Variants in ROBO2 observed in about 807,000 individuals in gnomAD.
ROBO2 encodes the protein roundabout homolog 2.
In ROBO2, 53 loss-of-function variants were observed where a neutral mutation model predicts 160.8. The observed-to-expected ratio is 0.33, with a 90% confidence interval of 0.26 to 0.41. The LOEUF (loss-of-function observed/expected upper bound fraction) is 0.41. Among genes scored for constraint, ROBO2 ranks in the 10% least tolerant of loss-of-function variants. The probability of loss-of-function intolerance (pLI) is 1.00; values close to 1 mark genes in which losing one functional copy is unlikely to be tolerated. For synonymous variants in ROBO2, 664 were observed against 611.7 expected (o/e 1.09, Z -1.26); for missense variants, 1,577 against 1,722.4 (o/e 0.92, Z 1.49).
rs201916643 is a variant in ROBO2 at position 77,625,774 on chromosome 3, AAACT to A, written c.3760+3350_3760+3353del. On this transcript the variant is annotated intron_variant, in intron 23 of 25. Transcript: ENST00000461745. ...TTTGAAAGGGTTGTAGGAAAACAAG[AAACT>A]AACTAACAAACAAAAACTAAGAAGA... is the stretch of plus-strand genomic sequence containing the variant. Among the ~76,000 whole-genome samples the A allele has an allele frequency of 5.4e-3, 816 of 152,266 alleles. 16 individuals carry two copies. The highest frequency in any genetic ancestry group is 0.019 in the African/African-American group (782 of 41,548).
At chr3:76,587,864 G>A (rs992602442) in intron 2 of ROBO2, among the ~76,000 whole-genome samples, 3 of 151,964 alleles carry the variant, frequency 2.0e-5, no homozygotes, top group Non-Finnish European at 4.4e-5. Context: ...ATGTGTGGTC[G>A]ACAGAGTGTA....
chr3:77,110,166 A>G (rs1401594944), intron 2 of ROBO2, among the ~76,000 whole-genome samples: 8 of 152,228 alleles, frequency 5.3e-5, no homozygotes, highest in Non-Finnish European at 1.2e-4. Context: ...TCTCATTGAC[A>G]TGTTTGCAGG....
At chr3:75,942,236 A>T (rs906459620) in intron 2 of ROBO2, among the ~76,000 whole-genome samples, 4 of 152,142 alleles carry the variant, frequency 2.6e-5, no homozygotes, top group African/African-American at 7.2e-5. Flanking sequence ...GAAAAACCTT[A>T]ATGCTACCTA....
intron 2 of ROBO2, among the ~76,000 whole-genome samples, chr3:76,616,433 A>G (rs1280295310): frequency 6.6e-6 from 1 of 152,178 alleles, no homozygotes; most frequent in Non-Finnish European, 1.5e-5. Context: ...GTGATTCATC[A>G]GGGGCCACGT....
chr3:76,958,612 T>C (rs1030414512), intron 2 of ROBO2, among the ~76,000 whole-genome samples: 1 of 152,188 alleles, frequency 6.6e-6, no homozygotes, highest in Admixed American at 6.5e-5. Flanking sequence ...AAGTTGCATT[T>C]TGTCACAACC....
intron 2 of ROBO2, among the ~76,000 whole-genome samples, chr3:76,365,269 T>C (rs1291431595): frequency 6.6e-6 from 1 of 152,078 alleles, no homozygotes; most frequent in African/African-American, 2.4e-5. Context: ...GGGCTTCATT[T>C]TATTTTGATC....
At chr3:77,495,066 A>G (rs1412975445) in intron 5 of ROBO2, among the ~76,000 whole-genome samples, 1 of 152,220 alleles carries the variant, frequency 6.6e-6, no homozygotes, top group Non-Finnish European at 1.5e-5. Flanking sequence ...AGTTTACACT[A>G]TTGAATTGTT....
intron 9 of ROBO2, among the ~76,000 whole-genome samples, chr3:77,561,092 T>C (rs2093307476): frequency 6.6e-6 from 1 of 152,150 alleles, no homozygotes; most frequent in Non-Finnish European, 1.5e-5. Context: ...AAGAATGTCA[T>C]GCCAGAGCAA....
chr3:76,103,056 C>T (rs566244689), intron 2 of ROBO2, among the ~76,000 whole-genome samples: 2 of 152,180 alleles, frequency 1.3e-5, no homozygotes, highest in Non-Finnish European at 2.9e-5. Context: ...ATCTCCTGAC[C>T]TCGTGATCCG....
At chr3:76,566,961 A>C (rs563388187) in intron 2 of ROBO2, among the ~76,000 whole-genome samples, 9 of 152,314 alleles carry the variant, frequency 5.9e-5, no homozygotes, top group Non-Finnish European at 1.0e-4. Context: ...AAACTCAGCT[A>C]CCTTAAAATA....
chr3:76,820,553 A>G (rs994662089), intron 2 of ROBO2, among the ~76,000 whole-genome samples: 1 of 152,026 alleles, frequency 6.6e-6, no homozygotes, highest in Admixed American at 6.6e-5. Flanking sequence ...GTTTTCCTTT[A>G]AACATCAAAA....
chr3:77,602,792 C>T (rs1381835041), intron 20 of ROBO2: 3 of 484,516 alleles, frequency 6.2e-6, no homozygotes, highest in Non-Finnish European at 1.2e-5. Context: ...TCCATCTCTA[C>T]TTCCATTAGG....
chr3:77,126,881 C>T (rs6782116), intron 2 of ROBO2, among the ~76,000 whole-genome samples: 44,807 of 148,202 alleles, frequency 0.3, 8,118 homozygotes, highest in Middle Eastern at 0.47. Context: ...CTCCGCCTCC[C>T]GGGTTCACGC....
Position 76,186,686 on chromosome 3 carries a change from A to G in ROBO2, c.109+249084A>G, listed in dbSNP as rs942206423. Reference sequence around the variant, plus strand: ...ATATACCATCTGCAATAATAAAAACATCTCTTGTCCTCATATCTGTCTCCA... The same window carrying G: ...ATATACCATCTGCAATAATAAAAACGTCTCTTGTCCTCATATCTGTCTCCA... On this transcript the variant is annotated intron_variant, in intron 2 of 26. Transcript: ENST00000487694. 5.9e-5 allele frequency among the ~76,000 whole-genome samples: 9 copies of G among 152,098 alleles called. No homozygotes were observed. In the East Asian group the frequency reaches 1.7e-3, roughly 29 times the overall value.
chr3:76,752,227 G>C (rs891334766), intron 2 of ROBO2, among the ~76,000 whole-genome samples: 32 of 141,336 alleles, frequency 2.3e-4, no homozygotes, highest in Non-Finnish European at 4.3e-4. Flanking sequence ...TCATAGGTGG[G>C]AATTAAACAA....
intron 2 of ROBO2, among the ~76,000 whole-genome samples, chr3:77,441,081 A>G (rs1353873416): frequency 6.6e-6 from 1 of 152,060 alleles, no homozygotes; most frequent in East Asian, 1.9e-4. Flanking sequence ...AAATGAGTAG[A>G]GTGTAGTTCT....
chr3:77,116,438 G>A (rs996079683), intron 2 of ROBO2, among the ~76,000 whole-genome samples: 3 of 152,086 alleles, frequency 2.0e-5, no homozygotes, highest in Non-Finnish European at 2.9e-5. Flanking sequence ...TATCTTAGGG[G>A]CCCAGCAGCC....
At chr3:76,034,286 T>C (rs1207640587) in intron 2 of ROBO2, among the ~76,000 whole-genome samples, 2 of 152,270 alleles carry the variant, frequency 1.3e-5, no homozygotes, top group Non-Finnish European at 2.9e-5. Flanking sequence ...TTTGTGGTTA[T>C]AATGTTAAAT....
At chr3:76,524,962 A>G (rs901709045) in intron 2 of ROBO2, among the ~76,000 whole-genome samples, 1 of 151,596 alleles carries the variant, frequency 6.6e-6, no homozygotes, top group Non-Finnish European at 1.5e-5. Context: ...AGCAATTTAC[A>G]ATAAGGAAAG....
Sources: gnomAD v4.1 joint callset for allele counts (sites outside exome capture counted in the v4.1 genomes callset) on GRCh38, gnomAD v4.1.1 for gene constraint, MANE v1.5 for transcripts, NCBI Gene and HGNC (gene_info 2026-07-23, HGNC 2026-07-21) for gene names.